Variants in OSBPL10 observed in about 807,000 individuals in gnomAD.
OSBPL10 encodes the protein oxysterol binding protein like 10.
A neutral mutation model predicts 81.7 loss-of-function variants in OSBPL10; 49 were observed. The ratio of observed to expected loss-of-function variants is 0.60; its 90% CI spans 0.48 to 0.76. The LOEUF (loss-of-function observed/expected upper bound fraction) is 0.76. OSBPL10 is among the 30% of genes least tolerant of loss of function. The pLI is 0.00. For missense variants in OSBPL10, 923 were observed against 987.8 expected, an observed-to-expected ratio of 0.93 and a Z score of 0.88; for synonymous variants, 419 against 383.6, an observed-to-expected ratio of 1.09 and a Z score of -1.08.
At chr3:31,697,059 C>T (rs549270745) in intron 7 of OSBPL10, among the ~76,000 whole-genome samples, 1 of 152,322 alleles carries the variant, frequency 6.6e-6, no homozygotes, top group South Asian at 2.1e-4. Context: ...GCATAATCCT[C>T]CTTCAATCTG....
Position 31,859,413 on chromosome 3 carries a change from C to T in OSBPL10, c.537+17020G>A, listed in dbSNP as rs528501287. On this transcript the variant is annotated intron_variant, in intron 3 of 11. Transcript: ENST00000396556. ...ACCCTACATATCTCTTCATCTGTAT[C>T]CTTTGCAACATCCTTTATAATAAAC... 7.9e-5 allele frequency among the ~76,000 whole-genome samples: 12 copies of T among 152,340 alleles called. No homozygotes were observed. The South Asian group carries it at 1.2e-3, about 16-fold the overall frequency.
chr3:31,829,316 G>T (rs1700175835), intron 4 of OSBPL10, among the ~76,000 whole-genome samples: 1 of 152,206 alleles, frequency 6.6e-6, no homozygotes, highest in Non-Finnish European at 1.5e-5. Flanking sequence ...AGCTGCAGAG[G>T]ATGACAGGGA....
rs554688633 is a variant in OSBPL10, at chr3:31,914,442, G to A, written c.282-34612C>T. On this transcript the variant is annotated intron_variant, in intron 1 of 11. Transcript: ENST00000396556. The stretch of plus-strand genomic sequence containing the variant: ...TGTATTCATTATGCAGCTCCAGAAG[G>A]ATATGGCAGCAGGCAGTGTTTCCCA... 5.8e-3 allele frequency among the ~76,000 whole-genome samples: 886 copies of A among 152,304 alleles called. 3 individuals are homozygous for A. The highest frequency in any genetic ancestry group is 0.011 in the Admixed American group (175 of 15,294).
At chr3:31,875,570 A>ATT (rs1237596440) in intron 3 of OSBPL10, among the ~76,000 whole-genome samples, 34 of 146,892 alleles carry the variant, frequency 2.3e-4, no homozygotes, top group African/African-American at 8.1e-4. Flanking sequence ...AAAAAAAAAA[A>ATT]AAGCATTATG....
At chr3:31,751,567 C>A (rs993409816) in intron 4 of OSBPL10, among the ~76,000 whole-genome samples, 43 of 152,130 alleles carry the variant, frequency 2.8e-4, no homozygotes, top group Non-Finnish European at 6.2e-4. Flanking sequence ...TGAATCAGGG[C>A]ACAGTCCTGT....
rs756906885 is a variant in OSBPL10, at chr3:31,684,161, G to A, written c.1246-47C>T. On this transcript the variant is annotated intron_variant, in intron 7 of 11. Transcript: ENST00000396556. The stretch of plus-strand genomic sequence containing the variant: ...GTCAGACAATCCCTGGGATTACACG[G>A]AAAAGCTGAAAAGAAAGGTAAAGGC... 7.6e-6 allele frequency: 12 copies of A among 1,587,338 alleles called. No individual in the cohort carries two copies. In the Admixed American group the frequency reaches 1.9e-4, roughly 25 times the overall value.
At chr3:31,853,667 T>C (rs918371016) in intron 3 of OSBPL10, among the ~76,000 whole-genome samples, 57 of 152,336 alleles carry the variant, frequency 3.7e-4, no homozygotes, top group African/African-American at 1.2e-3. Context: ...CTTATTATTA[T>C]TCACACAGTT....
At chr3:31,876,910 T>C (rs1575595338) in intron 2 of OSBPL10, among the ~76,000 whole-genome samples, 4 of 151,134 alleles carry the variant, frequency 2.6e-5, no homozygotes, top group African/African-American at 9.7e-5. Context: ...GCACTTTTTT[T>C]TTTTTTTTTT....
intron 2 of OSBPL10, among the ~76,000 whole-genome samples, chr3:31,999,359 C>CTTTT (rs5847729): frequency 1.0e-4 from 13 of 125,842 alleles, no homozygotes; most frequent in African/African-American, 2.2e-4. Flanking sequence ...ATATCAAAAT[C>CTTTT]TTTTTTTTTT....
chr3:32,016,419 G>A (rs926833613), intron 2 of OSBPL10, among the ~76,000 whole-genome samples: 4 of 152,076 alleles, frequency 2.6e-5, no homozygotes, highest in African/African-American at 4.8e-5. Flanking sequence ...ACACAGGAAG[G>A]GGAACATCAC....
chr3:32,051,321 C>T (rs1699668202), intron 1 of OSBPL10, among the ~76,000 whole-genome samples: 1 of 152,188 alleles, frequency 6.6e-6, no homozygotes, highest in African/African-American at 2.4e-5. Context: ...TTCTGTTTTG[C>T]ATTGTGTTAT....
chr3:31,810,240 T>C (rs1029582908), intron 4 of OSBPL10, among the ~76,000 whole-genome samples: 2 of 152,196 alleles, frequency 1.3e-5, no homozygotes, highest in African/African-American at 4.8e-5. Flanking sequence ...ATGATTGAAG[T>C]AGTCTAGAAC....
chr3:31,704,151 C>T (rs1575487570), intron 6 of OSBPL10: 1 of 152,430 alleles, frequency 6.6e-6, no homozygotes. Flanking sequence ...TGCCATGAGT[C>T]TGAATGGCTA....
chr3:31,669,128 C>T (rs1456298366), intron 9 of OSBPL10, among the ~76,000 whole-genome samples: 1 of 151,752 alleles, frequency 6.6e-6, no homozygotes, highest in Non-Finnish European at 1.5e-5. Flanking sequence ...TCAGGCAATT[C>T]AAGAAAAAAT....
At chr3:31,733,697 T>G (rs551625105) in intron 5 of OSBPL10, among the ~76,000 whole-genome samples, 25 of 150,000 alleles carry the variant, frequency 1.7e-4, no homozygotes, top group East Asian at 7.9e-4. Context: ...TTTTTTTTTT[T>G]TTTTTTTTTT....
In OSBPL10 at chr3:31,933,916, GT is replaced by G. The variant is rs369099233; in HGVS notation, c.281+46982del. Among the ~76,000 whole-genome samples, 417 of 152,174 alleles carry G rather than the reference GT, an allele frequency of 2.7e-3. 5 individuals carry two copies. Among genetic ancestry groups the G allele is most frequent in the African/African-American group, 9.5e-3 (396 of 41,526 alleles). Reference sequence around the variant, plus strand: ...GAGAGGAAAGAAGACAGAAAAAAGTGTTAAGTGCTACAGTTAAGAATAAAAT... The same window carrying G: ...GAGAGGAAAGAAGACAGAAAAAAGTGTAAGTGCTACAGTTAAGAATAAAAT... On this transcript the variant is annotated intron_variant, in intron 1 of 11. Coordinates refer to ENST00000396556, the MANE Select transcript of OSBPL10 (RefSeq NM_017784.5).
intron 1 of OSBPL10, among the ~76,000 whole-genome samples, chr3:31,946,404 A>C (rs748339611): frequency 6.3e-5 from 2 of 31,570 alleles, no homozygotes; most frequent in Non-Finnish European, 1.1e-4. Context: ...GTTTTTTATC[A>C]AAAAAAAAAA....
intron 3 of OSBPL10, among the ~76,000 whole-genome samples, chr3:31,875,127 C>T (rs888914788): frequency 9.3e-5 from 14 of 150,082 alleles, no homozygotes; most frequent in Admixed American, 6.6e-4. Context: ...CATGTGATCC[C>T]CATTTGTATA....
At chr3:31,871,318 G>A (rs552216224) in intron 3 of OSBPL10, among the ~76,000 whole-genome samples, 35 of 152,138 alleles carry the variant, frequency 2.3e-4, no homozygotes, top group African/African-American at 8.0e-4. Context: ...CTTAAGAGCT[G>A]TAACACTCAC....
Sources: gnomAD v4.1 joint callset for allele counts (sites outside exome capture counted in the v4.1 genomes callset) on GRCh38, gnomAD v4.1.1 for gene constraint, MANE v1.5 for transcripts, NCBI Gene and HGNC (gene_info 2026-07-23, HGNC 2026-07-21) for gene names.